KHDRBS2: variants seen among roughly 807,000 people sequenced by gnomAD.
The protein encoded by KHDRBS2 is KH domain-containing, RNA-binding, signal transduction-associated protein 2.
Under a neutral mutation model 44.3 loss-of-function variants are expected in KHDRBS2, and 26 were observed. The observed-to-expected ratio is 0.59, with a 90% confidence interval of 0.43 to 0.81. The LOEUF (loss-of-function observed/expected upper bound fraction) is 0.81. KHDRBS2 is among the 40% of genes least tolerant of loss of function. The pLI, the probability that KHDRBS2 is intolerant of heterozygous loss-of-function variation, is 0.00. For synonymous variants in KHDRBS2, 194 were observed against 151.1 expected, an observed-to-expected ratio of 1.28 and a Z score of -2.08; for missense variants, 476 against 433.1, an observed-to-expected ratio of 1.10 and a Z score of -0.88.
chr6:61,644,039 AC>A, the KHDRBS2 span, among the ~76,000 whole-genome samples: 1 of 152,206 alleles, frequency 6.6e-6, no homozygotes, highest in Non-Finnish European at 1.5e-5. Context: ...GCATCAAGTT[AC>A]TTGACTTCAA....
At chr6:62,275,660 T>C (rs1248810492) in intron 1 of KHDRBS2, among the ~76,000 whole-genome samples, 1 of 152,212 alleles carries the variant, frequency 6.6e-6, no homozygotes, top group African/African-American at 2.4e-5. Flanking sequence ...CCTAGTTAGT[T>C]CACTCTTCTA....
the KHDRBS2 span, among the ~76,000 whole-genome samples, chr6:61,621,820 A>G: frequency 6.6e-6 from 1 of 152,180 alleles, no homozygotes; most frequent in Non-Finnish European, 1.5e-5. Context: ...ACAGATTGGA[A>G]AGAGAGCTTC....
rs547927614 is a variant in KHDRBS2, at chr6:62,033,698, A to ATG, written c.336+14179_336+14180insCA. ...TAGATATTATATATGCCATATATAT[A>ATG]TATGCAAACATGAAGGAGAAATAAC... On this transcript the variant is annotated intron_variant, in intron 3 of 8. Coordinates refer to ENST00000281156, the MANE Select transcript of KHDRBS2 (RefSeq NM_152688.4). Among the ~76,000 whole-genome samples, 206 of 151,544 alleles carry ATG rather than the reference A, an allele frequency of 1.4e-3. 1 individual carries two copies. Among genetic ancestry groups the ATG allele is most frequent in the African/African-American group, 4.7e-3 (196 of 41,458 alleles).
intron 2 of KHDRBS2, among the ~76,000 whole-genome samples, chr6:62,154,221 C>A (rs1184660492): frequency 1.3e-5 from 2 of 152,088 alleles, no homozygotes; most frequent in Non-Finnish European, 2.9e-5. Flanking sequence ...AATAACATGA[C>A]CAGGCTCCAG....
chr6:61,924,699 A>C (rs947333087), intron 4 of KHDRBS2, among the ~76,000 whole-genome samples: 4 of 151,818 alleles, frequency 2.6e-5, no homozygotes, highest in African/African-American at 9.7e-5. Flanking sequence ...ATACTGGCAA[A>C]AACTAAGGTC....
intron 1 of KHDRBS2, among the ~76,000 whole-genome samples, chr6:62,186,573 A>T (rs1823465813): frequency 6.6e-6 from 1 of 150,468 alleles, no homozygotes; most frequent in Admixed American, 6.7e-5. Context: ...TAGGAATATC[A>T]TACATATTCA....
At chr6:61,653,341 C>T in the KHDRBS2 span, among the ~76,000 whole-genome samples, 5 of 152,164 alleles carry the variant, frequency 3.3e-5, no homozygotes, top group East Asian at 5.8e-4. Context: ...AAACACTAGG[C>T]ATCTTCTGAA....
intron 6 of KHDRBS2, among the ~76,000 whole-genome samples, chr6:61,829,671 G>C (rs1377833284): frequency 2.6e-5 from 4 of 152,180 alleles, no homozygotes; most frequent in Non-Finnish European, 5.9e-5. Flanking sequence ...GGTAATGCAA[G>C]AAGTAAAGCA....
At chr6:61,757,529 G>T (rs547334044) in intron 6 of KHDRBS2, among the ~76,000 whole-genome samples, 3 of 152,170 alleles carry the variant, frequency 2.0e-5, no homozygotes, top group South Asian at 4.2e-4. Flanking sequence ...TATTCAAAGT[G>T]ACAATCTATG....
At chr6:62,097,193 G>C (rs1171318082) in intron 2 of KHDRBS2, among the ~76,000 whole-genome samples, 2 of 151,704 alleles carry the variant, frequency 1.3e-5, no homozygotes, top group Non-Finnish European at 2.9e-5. Flanking sequence ...TGAGTAGAGT[G>C]CGTATTCTGA....
chr6:61,575,368 A>G, the KHDRBS2 span, among the ~76,000 whole-genome samples: 1 of 152,000 alleles, frequency 6.6e-6, no homozygotes, highest in South Asian at 2.1e-4. Flanking sequence ...AAAAAATGCT[A>G]AACATCTCTA....
chr6:62,104,729 A>G (rs1562869273), intron 2 of KHDRBS2, among the ~76,000 whole-genome samples: 2 of 152,158 alleles, frequency 1.3e-5, no homozygotes, highest in African/African-American at 2.4e-5. Flanking sequence ...GTTACAAATT[A>G]AGAAGTTGAA....
At chr6:62,138,493 T>TA (rs1812059588) in intron 2 of KHDRBS2, among the ~76,000 whole-genome samples, 1 of 152,204 alleles carries the variant, frequency 6.6e-6, no homozygotes. Context: ...AAAATTTAAC[T>TA]AAAAATGTTG....
intron 7 of KHDRBS2, among the ~76,000 whole-genome samples, chr6:61,718,805 G>T (rs1441829665): frequency 2.6e-5 from 4 of 151,984 alleles, no homozygotes; most frequent in African/African-American, 4.8e-5. Context: ...TATCTTCAGG[G>T]GACTAAATTG....
chr6:61,961,916 T>C (rs1465956316), intron 4 of KHDRBS2, among the ~76,000 whole-genome samples: 1 of 152,126 alleles, frequency 6.6e-6, no homozygotes, highest in Non-Finnish European at 1.5e-5. Context: ...TTCTGGCAGC[T>C]GTGTTTAAAA....
chr6:61,992,795 G>C (rs1776384670), intron 3 of KHDRBS2, among the ~76,000 whole-genome samples: 1 of 152,200 alleles, frequency 6.6e-6, no homozygotes, highest in East Asian at 1.9e-4. Flanking sequence ...CAGGGGGAAT[G>C]AAGGACACAG....
intron 2 of KHDRBS2, among the ~76,000 whole-genome samples, chr6:62,087,538 G>A (rs1279796436): frequency 1.3e-5 from 2 of 152,126 alleles, no homozygotes; most frequent in South Asian, 2.1e-4. Flanking sequence ...GTGAAATACT[G>A]AAGGTGAGTA....
chr6:62,002,448 T>C (rs1440313983), intron 3 of KHDRBS2, among the ~76,000 whole-genome samples: 2 of 151,776 alleles, frequency 1.3e-5, no homozygotes, highest in African/African-American at 4.8e-5. Context: ...ATGTCTTTTC[T>C]ATCATTTTTG....
the KHDRBS2 span, among the ~76,000 whole-genome samples, chr6:61,571,070 C>G: frequency 6.6e-6 from 1 of 151,772 alleles, no homozygotes; most frequent in African/African-American, 2.4e-5. Flanking sequence ...CCTCACATCT[C>G]AATACAAACA....
Sources: allele counts gnomAD v4.1 joint callset (sites outside exome capture counted in the v4.1 genomes callset), GRCh38; gene constraint gnomAD v4.1.1; transcripts MANE v1.5; gene names NCBI Gene and HGNC (gene_info 2026-07-23, HGNC 2026-07-21).